ANKRD12: variants seen among roughly 807,000 people sequenced by gnomAD.
The protein encoded by ANKRD12 is ankyrin repeat domain-containing protein 12.
A neutral mutation model predicts 183.4 loss-of-function variants in ANKRD12; 85 were observed. That is an observed-to-expected ratio of 0.46 (90% CI 0.39 to 0.56). The LOEUF is 0.56. ANKRD12 is among the 20% of genes least tolerant of loss of function. The pLI, the probability that ANKRD12 is intolerant of heterozygous loss-of-function variation, is 0.00. For synonymous variants in ANKRD12, 914 were observed against 800.2 expected (o/e 1.14, Z -2.40); for missense variants, 2,405 against 2,357.1 (o/e 1.02, Z -0.42).
At chr18:9,240,075 G>A (rs569608905) in intron 8 of ANKRD12, among the ~76,000 whole-genome samples, 2 of 152,246 alleles carry the variant, frequency 1.3e-5, no homozygotes, top group South Asian at 4.1e-4. Context: ...AGTGTGCTTT[G>A]TGATGTAATT....
At chr18:9,209,638 C>T in intron 5 of ANKRD12, among the ~76,000 whole-genome samples, 1 of 152,086 alleles carries the variant, frequency 6.6e-6, no homozygotes, top group East Asian at 1.9e-4. Context: ...GGGCTTCCTG[C>T]TTTTAAAAAT....
intron 1 of ANKRD12, among the ~76,000 whole-genome samples, chr18:9,172,819 G>GT (rs1567874821): frequency 6.6e-6 from 1 of 151,810 alleles, no homozygotes; most frequent in Non-Finnish European, 1.5e-5. Context: ...AGTTTTCAGC[G>GT]TTTTTTGCAT....
chr18:9,220,386 T>C (rs1000757952), intron 7 of ANKRD12, among the ~76,000 whole-genome samples: 1 of 152,186 alleles, frequency 6.6e-6, no homozygotes. Context: ...TATAGGCTTA[T>C]GTATGATAGA....
chr18:9,271,086 T>G (rs1389807210), intron 10 of ANKRD12, among the ~76,000 whole-genome samples: 1 of 152,096 alleles, frequency 6.6e-6, no homozygotes, highest in East Asian at 1.9e-4. Context: ...TTTTCTTTTG[T>G]TTTTTTGAGA....
chr18:9,276,572 G>A (rs1475943198), intron 11 of ANKRD12, among the ~76,000 whole-genome samples: 1 of 151,970 alleles, frequency 6.6e-6, no homozygotes, highest in Non-Finnish European at 1.5e-5. Flanking sequence ...AAATTAACTG[G>A]GTGTGGTGGG....
chr18:9,260,853 C>T (rs932800553), intron 9 of ANKRD12, among the ~76,000 whole-genome samples: 1 of 152,154 alleles, frequency 6.6e-6, no homozygotes, highest in African/African-American at 2.4e-5. Flanking sequence ...CTCTCCTTGG[C>T]TTCTTTTTTG....
intron 8 of ANKRD12, among the ~76,000 whole-genome samples, chr18:9,242,490 A>G (rs181801203): frequency 3.2e-4 from 49 of 152,222 alleles, no homozygotes; most frequent in Admixed American, 2.8e-3. Flanking sequence ...AGCTTTAGCT[A>G]TCTCATCCTG....
intron 2 of ANKRD12, among the ~76,000 whole-genome samples, chr18:9,189,082 A>G (rs2034290562): frequency 6.6e-6 from 1 of 152,238 alleles, no homozygotes; most frequent in Non-Finnish European, 1.5e-5. Flanking sequence ...AATGCCAAGG[A>G]AAAGTTCTTG....
At chr18:9,242,195 T>G (rs1207322115) in intron 8 of ANKRD12, among the ~76,000 whole-genome samples, 1 of 152,156 alleles carries the variant, frequency 6.6e-6, no homozygotes, top group African/African-American at 2.4e-5. Flanking sequence ...CATATAAATG[T>G]AGACAAATTT....
Position 9,222,482 on chromosome 18 carries a change from T to A in ANKRD12, c.943+483T>A, listed in dbSNP as rs540589055. ...ACAATTTCTTTCTTTTTTTTTTTTT[T>A]AAACACAATTTTTTTTTAAAGATAA... On this transcript the variant is annotated intron_variant, in intron 8 of 12. Coordinates refer to ENST00000262126, the MANE Select transcript of ANKRD12 (RefSeq NM_015208.5). 2.6e-4 allele frequency among the ~76,000 whole-genome samples: 40 copies of A among 151,672 alleles called. No homozygotes were observed. In the South Asian group the frequency reaches 5.2e-3, roughly 20 times the overall value.
intron 8 of ANKRD12, chr18:9,235,898 T>C (rs911740180): frequency 3.6e-5 from 10 of 274,054 alleles, no homozygotes; most frequent in Non-Finnish European, 5.3e-5. Context: ...GAAAATCTTA[T>C]AGAAAACTCA....
chr18:9,257,718 C>T lies in ANKRD12; in HGVS notation c.4451C>T (p.Ser1484Phe). The T allele has an allele frequency of 6.2e-7, 1 of 1,614,058 alleles. No homozygotes were observed. Among genetic ancestry groups the T allele is most frequent in the South Asian group, 1.1e-5 (1 of 91,082 alleles). The change falls in exon 9 of 13, where the codon TCC becomes TTC. Residue 1484 changes from serine to phenylalanine, a missense_variant. Physicochemically the swap from Ser to Phe is radical, Grantham distance 155. Coordinates refer to ENST00000262126, the MANE Select transcript of ANKRD12 (RefSeq NM_015208.5). Reference sequence around the variant, plus strand: ...AACTCTTGTGCTCAGGATCCGGCATCCTTTATGCCTCCACAGCAGCCTTGC... The same window carrying T: ...AACTCTTGTGCTCAGGATCCGGCATTCTTTATGCCTCCACAGCAGCCTTGC... ...PGNSCAQDPA[S>F]FMPPQQPCSF...
At chr18:9,147,066 A>G (rs2078516422) in intron 1 of ANKRD12, among the ~76,000 whole-genome samples, 1 of 152,210 alleles carries the variant, frequency 6.6e-6, no homozygotes, top group African/African-American at 2.4e-5. Flanking sequence ...TTGTAGGGAC[A>G]CAACTTGCAG....
At chr18:9,237,776 A>T (rs2037430887) in intron 8 of ANKRD12, among the ~76,000 whole-genome samples, 1 of 152,136 alleles carries the variant, frequency 6.6e-6, no homozygotes, top group Non-Finnish European at 1.5e-5. Context: ...CATTAAGGAG[A>T]CGTGTCTTAG....
At chr18:9,262,783 G>A (rs1335774918) in intron 9 of ANKRD12, among the ~76,000 whole-genome samples, 2 of 88,338 alleles carry the variant, frequency 2.3e-5, no homozygotes, top group African/African-American at 4.2e-5. Flanking sequence ...CAGCCAAGAT[G>A]TCCCTTTTTT....
chr18:9,215,737 A>T (rs1339629889), intron 6 of ANKRD12, among the ~76,000 whole-genome samples: 1 of 57,124 alleles, frequency 1.8e-5, no homozygotes, highest in Non-Finnish European at 4.5e-5. Context: ...CTGTGTCCAG[A>T]TGTTGTCATG....
intron 8 of ANKRD12, among the ~76,000 whole-genome samples, chr18:9,224,565 G>A (rs966728640): frequency 1.3e-5 from 2 of 152,126 alleles, no homozygotes; most frequent in African/African-American, 2.4e-5. Flanking sequence ...TAAAATAATA[G>A]TATTTGGATG....
chr18:9,138,199 G>A (rs912270898), intron 1 of ANKRD12, among the ~76,000 whole-genome samples: 1 of 152,126 alleles, frequency 6.6e-6, no homozygotes, highest in Non-Finnish European at 1.5e-5. Flanking sequence ...CTATTTTATC[G>A]TAAATTAACT....
chr18:9,247,568 ATCT>A (rs2038037243), intron 8 of ANKRD12, among the ~76,000 whole-genome samples: 1 of 152,154 alleles, frequency 6.6e-6, no homozygotes, highest in Non-Finnish European at 1.5e-5. Context: ...AATTTTTATC[ATCT>A]TAAAATTTCT....
Sources: allele counts gnomAD v4.1 joint callset (sites outside exome capture counted in the v4.1 genomes callset), GRCh38; gene constraint gnomAD v4.1.1; transcripts MANE v1.5; gene names NCBI Gene and HGNC (gene_info 2026-07-23, HGNC 2026-07-21).